The following GPC6 variants were observed in gnomAD, a reference collection of about 807,000 sequenced individuals.
GPC6 encodes the protein glypican 6, also known as glypican-6.
GPC6 carries 14 observed loss-of-function variants against 55.2 expected under a neutral mutation model. The ratio of observed to expected loss-of-function variants is 0.25; its 90% CI spans 0.17 to 0.40. The LOEUF is 0.40. GPC6 is among the 10% of genes least tolerant of loss of function. The pLI is 1.00. For missense variants in GPC6, 641 were observed against 708.5 expected (o/e 0.90, Z 1.08); for synonymous variants, 278 against 259.6 (o/e 1.07, Z -0.68).
At chr13:93,609,340 A>G (rs1878368269) in intron 2 of GPC6, among the ~76,000 whole-genome samples, 1 of 152,022 alleles carries the variant, frequency 6.6e-6, no homozygotes, top group East Asian at 1.9e-4. Flanking sequence ...TCAGCCTCCC[A>G]AGTAGCTGGG....
intron 2 of GPC6, among the ~76,000 whole-genome samples, chr13:93,811,854 G>A (rs1487919473): frequency 6.6e-6 from 1 of 152,044 alleles, no homozygotes; most frequent in Non-Finnish European, 1.5e-5. Context: ...AAATAAAGCT[G>A]CTCTGTGCAC....
intron 5 of GPC6, among the ~76,000 whole-genome samples, chr13:94,300,261 GAAGAAGATA>G (rs1875578449): frequency 2.6e-5 from 4 of 152,222 alleles, no homozygotes; most frequent in African/African-American, 9.6e-5. Context: ...AAAAGACAAT[GAAGAAGATA>G]AAGAAGATAA....
chr13:94,065,452 A>G (rs1884484608), intron 4 of GPC6, among the ~76,000 whole-genome samples: 1 of 152,162 alleles, frequency 6.6e-6, no homozygotes, highest in African/African-American at 2.4e-5. Flanking sequence ...TCCTGTATTC[A>G]TTTCAAAGAA....
intron 4 of GPC6, among the ~76,000 whole-genome samples, chr13:94,101,633 T>G (rs1177025436): frequency 1.3e-5 from 2 of 152,220 alleles, no homozygotes; most frequent in East Asian, 3.8e-4. Flanking sequence ...GTGTTTTGAA[T>G]AATGCAGGGA....
At chr13:94,060,272 A>G (rs1201627173) in intron 4 of GPC6, among the ~76,000 whole-genome samples, 1 of 152,052 alleles carries the variant, frequency 6.6e-6, no homozygotes, top group African/African-American at 2.4e-5. Flanking sequence ...CAAACAGTCT[A>G]TATGATTTAC....
intron 1 of GPC6, among the ~76,000 whole-genome samples, chr13:93,528,359 T>A (rs1429379150): frequency 6.6e-6 from 1 of 152,120 alleles, no homozygotes; most frequent in Non-Finnish European, 1.5e-5. Context: ...TGATTGTTTG[T>A]GGGTGAATTT....
At chr13:94,196,888 T>C (rs775721629) in intron 4 of GPC6, among the ~76,000 whole-genome samples, 10 of 152,234 alleles carry the variant, frequency 6.6e-5, no homozygotes, top group Non-Finnish European at 1.3e-4. Context: ...GAGACACTTA[T>C]ATTGGCTGTT....
chr13:93,381,353 A>T (rs1875161403), intron 1 of GPC6, among the ~76,000 whole-genome samples: 1 of 152,140 alleles, frequency 6.6e-6, no homozygotes, highest in African/African-American at 2.4e-5. Context: ...GTTGTTTATG[A>T]TGCTATCGAC....
chr13:93,489,508 A>G (rs1168356765), intron 1 of GPC6, among the ~76,000 whole-genome samples: 2 of 151,438 alleles, frequency 1.3e-5, no homozygotes, highest in Admixed American at 1.3e-4. Context: ...TTCTGTGAAG[A>G]AAGTCATTGG....
chr13:93,797,540 A>G (rs1447055502), intron 2 of GPC6, among the ~76,000 whole-genome samples: 4 of 152,220 alleles, frequency 2.6e-5, no homozygotes, highest in Non-Finnish European at 5.9e-5. Flanking sequence ...GAATATATGA[A>G]TGAGCAAGGG....
At chr13:94,044,623 A>G (rs901790735) in intron 4 of GPC6, among the ~76,000 whole-genome samples, 3 of 152,034 alleles carry the variant, frequency 2.0e-5, no homozygotes, top group African/African-American at 7.2e-5. Flanking sequence ...TTAAGGATGT[A>G]TCTTCAGAAC....
At chr13:93,381,368 G>A (rs908990011) in intron 1 of GPC6, among the ~76,000 whole-genome samples, 1 of 152,026 alleles carries the variant, frequency 6.6e-6, no homozygotes, top group African/African-American at 2.4e-5. Flanking sequence ...ATCGACTTGA[G>A]ATGGACATTC....
intron 3 of GPC6, among the ~76,000 whole-genome samples, chr13:93,979,006 A>G (rs1003877718): frequency 2.6e-5 from 4 of 152,192 alleles, no homozygotes; most frequent in African/African-American, 9.6e-5. Context: ...AATCTAGAAT[A>G]CTACTAAAGA....
rs540666314 is a variant in GPC6, at chr13:94,159,005, T to C, written c.878-127344T>C. ...CACAACCCTTTCTCACTCCCACCTGTAGGTATGTACTAGTGCTTTCCTCCG... is the reference window on the plus strand; with the variant it reads ...CACAACCCTTTCTCACTCCCACCTGCAGGTATGTACTAGTGCTTTCCTCCG... On this transcript the variant is annotated intron_variant, in intron 4 of 8. Coordinates refer to ENST00000377047, the MANE Select transcript of GPC6 (RefSeq NM_005708.5). Among the ~76,000 whole-genome samples, 161 of 152,266 alleles carry C rather than the reference T, an allele frequency of 1.1e-3. 3 individuals are homozygous for C. The highest frequency in any genetic ancestry group is 6.8e-3 in the Middle Eastern group (2 of 294).
intron 3 of GPC6, among the ~76,000 whole-genome samples, chr13:93,874,915 A>G (rs1889244458): frequency 6.6e-6 from 1 of 151,982 alleles, no homozygotes; most frequent in South Asian, 2.1e-4. Flanking sequence ...TTTTGTGCTT[A>G]TCTTAACGTA....
At chr13:94,396,203 TA>T (rs1356291778) in intron 7 of GPC6, among the ~76,000 whole-genome samples, 6 of 152,208 alleles carry the variant, frequency 3.9e-5, no homozygotes, top group Non-Finnish European at 8.8e-5. Context: ...CACACGTTTA[TA>T]AATAGCGTCT....
chr13:93,829,471 A>G (rs920580972), intron 2 of GPC6, among the ~76,000 whole-genome samples: 4 of 152,182 alleles, frequency 2.6e-5, no homozygotes, highest in Admixed American at 6.5e-5. Context: ...AGAAAGTCCA[A>G]TTGTCAATAT....
At chr13:93,775,720 C>T (rs1282429655) in intron 2 of GPC6, among the ~76,000 whole-genome samples, 1 of 152,178 alleles carries the variant, frequency 6.6e-6, no homozygotes, top group Admixed American at 6.6e-5. Context: ...TGCAGCATTA[C>T]TGTGTTCAAA....
intron 3 of GPC6, among the ~76,000 whole-genome samples, chr13:93,843,173 C>CA (rs1358250100): frequency 6.6e-6 from 1 of 150,528 alleles, no homozygotes; most frequent in Admixed American, 6.6e-5. Flanking sequence ...GTATCTCTTA[C>CA]AAAAAAATAA....
Sources: allele counts gnomAD v4.1 joint callset (sites outside exome capture counted in the v4.1 genomes callset), GRCh38; gene constraint gnomAD v4.1.1; transcripts MANE v1.5; gene names NCBI Gene and HGNC (gene_info 2026-07-23, HGNC 2026-07-21).